CCDC192: variants seen among roughly 807,000 people sequenced by gnomAD.
The protein encoded by CCDC192 is coiled-coil domain containing 192, also known as coiled-coil domain-containing protein 192.
chr5:127,705,402 G>A (rs548663215), intron 1 of CCDC192, among the ~76,000 whole-genome samples: 2 of 152,158 alleles, frequency 1.3e-5, no homozygotes, highest in Non-Finnish European at 2.9e-5. Context: ...ATGCACATAA[G>A]GGTATTGCAC....
chr5:127,906,794 AC>A (rs1035608023), intron 6 of CCDC192, among the ~76,000 whole-genome samples: 3 of 136,288 alleles, frequency 2.2e-5, no homozygotes, highest in African/African-American at 8.4e-5. Flanking sequence ...TCCAAAAAAA[AC>A]CCCAACAAAA....
intron 3 of CCDC192, among the ~76,000 whole-genome samples, chr5:127,795,503 C>T (rs930373514): frequency 2.6e-5 from 4 of 152,008 alleles, no homozygotes; most frequent in African/African-American, 7.3e-5. Flanking sequence ...TCATCCCCAT[C>T]GCTATTTACA....
intron 3 of CCDC192, among the ~76,000 whole-genome samples, chr5:127,756,217 GTTCACCT>G (rs1286099911): frequency 2.0e-5 from 3 of 152,134 alleles, no homozygotes; most frequent in Non-Finnish European, 4.4e-5. Context: ...CAATCAATGG[GTTCACCT>G]TGCCCGCTGC....
At chr5:127,717,656 G>A (rs761095027) in intron 2 of CCDC192, among the ~76,000 whole-genome samples, 50 of 151,700 alleles carry the variant, frequency 3.3e-4, no homozygotes, top group Admixed American at 1.3e-4. Context: ...TTAAAGTTGG[G>A]AAGCAGAAGG....
At chr5:127,860,411 A>C (rs985483966) in intron 5 of CCDC192, among the ~76,000 whole-genome samples, 2 of 152,224 alleles carry the variant, frequency 1.3e-5, no homozygotes, top group African/African-American at 2.4e-5. Context: ...TGCAAGTCTT[A>C]AGCTAAAAAG....
intron 6 of CCDC192, among the ~76,000 whole-genome samples, chr5:127,889,665 G>A (rs1752673528): frequency 6.6e-6 from 1 of 152,292 alleles, no homozygotes; most frequent in South Asian, 2.1e-4. Context: ...GCCTCCCAAA[G>A]TGCTGGGATT....
chr5:127,721,042 C>T (rs1461483858), intron 2 of CCDC192, among the ~76,000 whole-genome samples: 1 of 152,194 alleles, frequency 6.6e-6, no homozygotes, highest in African/African-American at 2.4e-5. Flanking sequence ...TCCCCATTAT[C>T]TTGACTATCA....
chr5:127,921,063 G>GA (rs1753699201), intron 6 of CCDC192, among the ~76,000 whole-genome samples: 1 of 147,776 alleles, frequency 6.8e-6, no homozygotes, highest in African/African-American at 2.6e-5. Flanking sequence ...GAGGAAGGAG[G>GA]AAGCAGGAAA....
intron 2 of CCDC192, among the ~76,000 whole-genome samples, chr5:127,709,435 G>A (rs542233207): frequency 1.2e-4 from 18 of 152,240 alleles, no homozygotes; most frequent in Non-Finnish European, 2.4e-4. Context: ...TTTGGACAGG[G>A]ACACAGATCC....
At chr5:127,887,328 C>CAAA (rs10658827) in intron 6 of CCDC192, among the ~76,000 whole-genome samples, 30,147 of 87,210 alleles carry the variant, frequency 0.35, 5,725 homozygotes, top group Non-Finnish European at 0.41. Context: ...GACTCTGTCT[C>CAAA]AAAAAAAAAA....
chr5:127,781,311 A>G (rs375506732), intron 3 of CCDC192, among the ~76,000 whole-genome samples: 3 of 152,156 alleles, frequency 2.0e-5, no homozygotes, highest in African/African-American at 7.2e-5. Context: ...TTGGATATGC[A>G]GGATCTTCCT....
chr5:127,814,628 T>C (rs1049062793), intron 5 of CCDC192, among the ~76,000 whole-genome samples: 1 of 152,212 alleles, frequency 6.6e-6, no homozygotes, highest in Non-Finnish European at 1.5e-5. Context: ...CTCAGTAACA[T>C]TTTGGGAGAT....
At chr5:127,809,932 C>G (rs1367716630) in intron 5 of CCDC192, among the ~76,000 whole-genome samples, 1 of 152,146 alleles carries the variant, frequency 6.6e-6, no homozygotes, top group Admixed American at 6.6e-5. Context: ...ACAGATTGCT[C>G]TGTGTGGCAA....
chr5:127,866,977 AC>A (rs1270441862), intron 5 of CCDC192, among the ~76,000 whole-genome samples: 1 of 151,894 alleles, frequency 6.6e-6, no homozygotes, highest in Non-Finnish European at 1.5e-5. Context: ...CCTTTTCTCT[AC>A]TTTGGTTTCT....
chr5:127,827,797 C>T (rs185119635), intron 5 of CCDC192, among the ~76,000 whole-genome samples: 54 of 152,296 alleles, frequency 3.5e-4, no homozygotes, highest in African/African-American at 1.2e-3. Flanking sequence ...CCAACTCCTC[C>T]GGCGCAGTCT....
chr5:127,784,252 A>G (rs549505663), intron 3 of CCDC192, among the ~76,000 whole-genome samples: 2 of 152,352 alleles, frequency 1.3e-5, no homozygotes, highest in South Asian at 4.1e-4. Context: ...ACATGGGTCC[A>G]TTCAGACTTG....
At chr5:127,865,072 G>A (rs1382846050) in intron 5 of CCDC192, among the ~76,000 whole-genome samples, 3 of 152,104 alleles carry the variant, frequency 2.0e-5, no homozygotes, top group African/African-American at 4.8e-5. Context: ...GCTTCAACCC[G>A]GGAGGCGGAG....
Position 127,719,833 on chromosome 5 carries a change from GC to G in CCDC192, c.114+12074del, listed in dbSNP as rs67269112. Among the ~76,000 whole-genome samples, 11 of 130,214 alleles carry G rather than the reference GC, an allele frequency of 8.4e-5. No individual in the cohort carries two copies. The South Asian group carries it at 1.0e-3, about 12-fold the overall frequency. The allele number at this position is 130,214 out of a possible 152,430, so 85.4% of individuals were successfully genotyped here. A position where few individuals can be genotyped will look rare whatever the true frequency, so the allele number is the denominator to read the frequency against. On this transcript the variant is annotated intron_variant, in intron 2 of 6. Transcript: ENST00000514853. ...TCGCATGGCCAGATCAGAGGAAGGG[GC>G]GGGGGAGGTGACACATGCTTTTTAA...
rs111964546 is a variant in CCDC192, at chr5:127,792,829, G to A, written c.223-4274G>A. On this transcript the variant is annotated intron_variant, in intron 3 of 6. Coordinates refer to ENST00000514853, the MANE Select transcript of CCDC192 (RefSeq NM_001317938.2). The stretch of plus-strand genomic sequence containing the variant: ...GGAGAAGAGGAAGAAGAAGAAGAAG[G>A]AGGAGGAGGAGGAGGAGAAGGAGAA... Among the ~76,000 whole-genome samples, 170 of 139,472 alleles carry A rather than the reference G, an allele frequency of 1.2e-3. 2 individuals are homozygous for A. The highest frequency in any genetic ancestry group is 1.9e-3 in the Non-Finnish European group (125 of 66,008). The allele number at this position is 139,472 out of a possible 152,430, so 91.5% of individuals were successfully genotyped here.
Sources: gnomAD v4.1 joint callset for allele counts (sites outside exome capture counted in the v4.1 genomes callset) on GRCh38, gnomAD v4.1.1 for gene constraint, MANE v1.5 for transcripts, NCBI Gene and HGNC (gene_info 2026-07-23, HGNC 2026-07-21) for gene names.